The following NOS1AP variants were observed in gnomAD, a reference collection of about 807,000 sequenced individuals.
NOS1AP encodes nitric oxide synthase 1 adaptor protein, also known as carboxyl-terminal PDZ ligand of neuronal nitric oxide synthase protein.
In NOS1AP, 21 loss-of-function variants were observed where a neutral mutation model predicts 56.2. That is an observed-to-expected ratio of 0.37 (90% CI 0.26 to 0.54). The LOEUF is 0.54. NOS1AP is among the 20% of genes least tolerant of loss of function. NOS1AP has a pLI of 0.84. For synonymous variants in NOS1AP, 270 were observed against 274.6 expected (o/e 0.98, Z 0.17); for missense variants, 522 against 657.8 (o/e 0.79, Z 2.26).
At chr1:162,281,210 G>A (rs957525901) in intron 2 of NOS1AP, among the ~76,000 whole-genome samples, 8 of 152,206 alleles carry the variant, frequency 5.3e-5, no homozygotes, top group Non-Finnish European at 1.0e-4. Context: ...ATATAAGGAA[G>A]ATTAGTTCTT....
At chr1:162,346,240 A>G (rs1219329448) in intron 6 of NOS1AP, among the ~76,000 whole-genome samples, 3 of 152,238 alleles carry the variant, frequency 2.0e-5, no homozygotes. Flanking sequence ...ATATAAGGTT[A>G]CATAGCAAAG....
At chr1:162,071,121 A>C (rs1691652434) in intron 1 of NOS1AP, among the ~76,000 whole-genome samples, 1 of 152,088 alleles carries the variant, frequency 6.6e-6, no homozygotes, top group Non-Finnish European at 1.5e-5. Context: ...CATCAGCAGG[A>C]AAGAGTGCTT....
chr1:162,295,332 A>C (rs373642546), intron 3 of NOS1AP, among the ~76,000 whole-genome samples: 21 of 152,182 alleles, frequency 1.4e-4, no homozygotes, highest in African/African-American at 4.3e-4. Flanking sequence ...CCAAGTCTTT[A>C]TTTTCAAGGA....
chr1:162,132,297 C>G (rs1314222376), intron 1 of NOS1AP, among the ~76,000 whole-genome samples: 3 of 152,202 alleles, frequency 2.0e-5, no homozygotes, highest in Non-Finnish European at 4.4e-5. Context: ...AAATGCAACT[C>G]AAATATGCCT....
chr1:162,289,260 CCTT>C (rs1655201126), intron 3 of NOS1AP, among the ~76,000 whole-genome samples: 7 of 69,222 alleles, frequency 1.0e-4, no homozygotes, highest in African/African-American at 3.0e-4. Flanking sequence ...TTCCTTCCTT[CCTT>C]CCTTCCTTCC....
At chr1:162,259,448 AT>A (rs1211786119) in intron 2 of NOS1AP, among the ~76,000 whole-genome samples, 1 of 152,164 alleles carries the variant, frequency 6.6e-6, no homozygotes, top group Non-Finnish European at 1.5e-5. Context: ...ACTTTTGAAA[AT>A]GTTTTGTTCA....
At chr1:162,195,452 C>T (rs1557828417) in intron 2 of NOS1AP, among the ~76,000 whole-genome samples, 1 of 152,192 alleles carries the variant, frequency 6.6e-6, no homozygotes, top group Non-Finnish European at 1.5e-5. Context: ...ATCTCCAGCA[C>T]CTGGCATGGT....
chr1:162,173,297 C>T (rs1463995046), intron 2 of NOS1AP, among the ~76,000 whole-genome samples: 2 of 152,054 alleles, frequency 1.3e-5, no homozygotes, highest in Admixed American at 6.6e-5. Context: ...CAGCTGTCCT[C>T]CACTCTCCTC....
chr1:162,148,991 G>A (rs1649594171), intron 1 of NOS1AP, among the ~76,000 whole-genome samples: 1 of 152,194 alleles, frequency 6.6e-6, no homozygotes, highest in Admixed American at 6.5e-5. Flanking sequence ...TGGATTTCCT[G>A]GGGGCTGCTA....
chr1:162,149,694 CCTG>C (rs1649629550), intron 1 of NOS1AP, among the ~76,000 whole-genome samples: 1 of 152,202 alleles, frequency 6.6e-6, no homozygotes, highest in Non-Finnish European at 1.5e-5. Context: ...AGACCTGAAT[CCTG>C]CTTTGTGTAT....
At chr1:162,245,902 T>G (rs1653645255) in intron 2 of NOS1AP, among the ~76,000 whole-genome samples, 1 of 152,214 alleles carries the variant, frequency 6.6e-6, no homozygotes, top group Non-Finnish European at 1.5e-5. Context: ...AACGTTTACG[T>G]TTTTCCTTAA....
chr1:162,172,104 T>C (rs1476797438), intron 2 of NOS1AP, among the ~76,000 whole-genome samples: 1 of 152,178 alleles, frequency 6.6e-6, no homozygotes, highest in Admixed American at 6.5e-5. Flanking sequence ...CACTATCTTT[T>C]ACCCATCACC....
At chr1:162,243,395 C>T (rs114162378) in intron 2 of NOS1AP, among the ~76,000 whole-genome samples, 8,056 of 152,158 alleles carry the variant, frequency 0.053, 278 homozygotes, top group Middle Eastern at 0.11. Flanking sequence ...CATTCTGTGT[C>T]CTCGCTTTCC....
chr1:162,103,521 T>C (rs1647387062), intron 1 of NOS1AP, among the ~76,000 whole-genome samples: 1 of 152,176 alleles, frequency 6.6e-6, no homozygotes, highest in Admixed American at 6.5e-5. Context: ...TGTCTAATAT[T>C]GACAGTGGGG....
chr1:162,138,282 G>A (rs746938115), intron 1 of NOS1AP, among the ~76,000 whole-genome samples: 2 of 152,176 alleles, frequency 1.3e-5, no homozygotes, highest in Non-Finnish European at 2.9e-5. Flanking sequence ...TTTCTGTTGT[G>A]CAGTGGGGCG....
rs367582123 is a variant in NOS1AP at position 162,215,079 on chromosome 1, C to T, written c.177+60603C>T. On this transcript the variant is annotated intron_variant, in intron 2 of 9. Coordinates refer to ENST00000361897, the MANE Select transcript of NOS1AP (RefSeq NM_014697.3). ...CTTTTATGCTGCATTCTCCGCGAAGCTTCTCCAAGATTTCTTGAGCATGCT... is the reference window on the plus strand; with the variant it reads ...CTTTTATGCTGCATTCTCCGCGAAGTTTCTCCAAGATTTCTTGAGCATGCT... 1.6e-4 allele frequency among the ~76,000 whole-genome samples: 25 copies of T among 152,326 alleles called. No individual in the cohort carries two copies. In the South Asian group the frequency reaches 5.0e-3, roughly 30 times the overall value.
intron 1 of NOS1AP, among the ~76,000 whole-genome samples, chr1:162,154,163 G>T (rs1292743541): frequency 6.6e-6 from 1 of 152,110 alleles, no homozygotes; most frequent in Non-Finnish European, 1.5e-5. Flanking sequence ...AGGCTGCTTG[G>T]TTAGACACAG....
chr1:162,247,375 C>G (rs1653698573), intron 2 of NOS1AP, among the ~76,000 whole-genome samples: 1 of 152,176 alleles, frequency 6.6e-6, no homozygotes, highest in Non-Finnish European at 1.5e-5. Flanking sequence ...GAACTGCATT[C>G]TCTTTTCTCT....
At chr1:162,179,158 T>A (rs1208757940) in intron 2 of NOS1AP, among the ~76,000 whole-genome samples, 1 of 152,234 alleles carries the variant, frequency 6.6e-6, no homozygotes, top group Non-Finnish European at 1.5e-5. Flanking sequence ...GGTATTTATT[T>A]TATGTAACAA....
Sources: gnomAD v4.1 joint callset for allele counts (sites outside exome capture counted in the v4.1 genomes callset) on GRCh38, gnomAD v4.1.1 for gene constraint, MANE v1.5 for transcripts, NCBI Gene and HGNC (gene_info 2026-07-23, HGNC 2026-07-21) for gene names.